Variants in TMEM135 observed in about 807,000 individuals in gnomAD.
TMEM135 encodes the protein peroxisomal membrane protein 52.
In TMEM135, 30 loss-of-function variants were observed where a neutral mutation model predicts 60.3. That is an observed-to-expected ratio of 0.50 (90% confidence interval 0.37 to 0.68). TMEM135 has a LOEUF of 0.68. Ranked by LOEUF, TMEM135 falls within the 30% of genes least tolerant of loss-of-function variation. TMEM135 has a pLI of 0.00. For missense variants in TMEM135, 468 were observed against 548.8 expected (o/e 0.85, Z 1.47); for synonymous variants, 190 against 186.7 (o/e 1.02, Z -0.14).
At chr11:87,313,144 C>T (rs1458355693) in intron 10 of TMEM135, among the ~76,000 whole-genome samples, 3 of 151,810 alleles carry the variant, frequency 2.0e-5, no homozygotes, top group Non-Finnish European at 4.4e-5. Context: ...CTTTTCCCAG[C>T]ATTCGATAGC....
chr11:87,058,509 T>G (rs748007969), intron 1 of TMEM135, among the ~76,000 whole-genome samples: 4 of 152,152 alleles, frequency 2.6e-5, no homozygotes, highest in Admixed American at 1.3e-4. Context: ...TTTTGTATTT[T>G]TAGTAGAGAC....
intron 4 of TMEM135, among the ~76,000 whole-genome samples, chr11:87,130,496 A>G (rs1224826648): frequency 6.6e-6 from 1 of 152,076 alleles, no homozygotes; most frequent in Non-Finnish European, 1.5e-5. Context: ...GGCCTTTCAT[A>G]TTGACAGTTC....
intron 3 of TMEM135, among the ~76,000 whole-genome samples, chr11:87,079,457 A>AT (rs907402923): frequency 2.0e-5 from 3 of 151,998 alleles, no homozygotes; most frequent in Admixed American, 6.6e-5. Flanking sequence ...AATATAGTAG[A>AT]TTTTTTTGTG....
intron 3 of TMEM135, among the ~76,000 whole-genome samples, chr11:87,076,774 TTCCTTC>T (rs1319828877): frequency 6.6e-6 from 1 of 152,164 alleles, no homozygotes; most frequent in Non-Finnish European, 1.5e-5. Flanking sequence ...ACTGGGTGCT[TTCCTTC>T]AAGGCAGCAG....
intron 1 of TMEM135, among the ~76,000 whole-genome samples, chr11:87,042,896 T>C (rs1189020149): frequency 2.0e-5 from 3 of 152,044 alleles, no homozygotes; most frequent in Non-Finnish European, 4.4e-5. Context: ...TGAATCTTTG[T>C]GTTTTCACAA....
At chr11:87,141,865 C>G (rs1259779599) in intron 4 of TMEM135, among the ~76,000 whole-genome samples, 1 of 152,022 alleles carries the variant, frequency 6.6e-6, no homozygotes, top group Non-Finnish European at 1.5e-5. Context: ...GGCAAAAACT[C>G]ACAGTTCTTA....
At chr11:87,309,469 G>T (rs757743357) in intron 9 of TMEM135, 36 bp from the exon 10 acceptor site, 55 of 1,611,586 alleles carry the variant, frequency 3.4e-5, no homozygotes, top group Non-Finnish European at 4.3e-5. Flanking sequence ...TTCAAAATTT[G>T]TTTGTAAATC....
chr11:87,109,614 T>C (rs1857690374), intron 4 of TMEM135, among the ~76,000 whole-genome samples: 1 of 152,208 alleles, frequency 6.6e-6, no homozygotes, highest in African/African-American at 2.4e-5. Flanking sequence ...TAAGTATTTT[T>C]GGATCACAAT....
intron 4 of TMEM135, among the ~76,000 whole-genome samples, chr11:87,137,432 A>G (rs1938132335): frequency 6.6e-6 from 1 of 152,190 alleles, no homozygotes; most frequent in Non-Finnish European, 1.5e-5. Context: ...TCATCCAACA[A>G]TTATTTATCA....
intron 4 of TMEM135, among the ~76,000 whole-genome samples, chr11:87,097,871 C>T (rs1857367076): frequency 6.6e-6 from 1 of 152,136 alleles, no homozygotes; most frequent in Non-Finnish European, 1.5e-5. Flanking sequence ...TAACAGTCAC[C>T]CTTCATGTAA....
chr11:87,238,692 T>C (rs1030634200), intron 6 of TMEM135, among the ~76,000 whole-genome samples: 3 of 152,124 alleles, frequency 2.0e-5, no homozygotes, highest in Non-Finnish European at 4.4e-5. Context: ...TTCAGACACA[T>C]TATTAAGACA....
chr11:87,039,615 G>A (rs1949733679), intron 1 of TMEM135, among the ~76,000 whole-genome samples: 1 of 152,078 alleles, frequency 6.6e-6, no homozygotes, highest in Admixed American at 6.5e-5. Flanking sequence ...TGCCATTCTG[G>A]CTGGAGTGCA....
intron 5 of TMEM135, among the ~76,000 whole-genome samples, chr11:87,159,877 C>A (rs529307450): frequency 6.6e-6 from 1 of 152,010 alleles, no homozygotes; most frequent in East Asian, 1.9e-4. Context: ...TAGGAGTAAA[C>A]TAAAAGGTTA....
chr11:87,223,875 A>C (rs1040116982), intron 5 of TMEM135, among the ~76,000 whole-genome samples: 5 of 151,706 alleles, frequency 3.3e-5, no homozygotes, highest in African/African-American at 9.7e-5. Flanking sequence ...GAAAGAAAAA[A>C]CCCCCAAAAC....
At position 87,318,244 on chromosome 11, in the gene TMEM135, A is replaced by C. The variant is rs1396751252; in HGVS notation, c.1176+9A>C. ...CAATTTGCTTCCAGGCAGTAAGTAT[A>C]ACTTTTTGAAATGAGAAATTGAATG... On this transcript the variant is annotated intron_variant, in intron 13 of 14. Transcript: ENST00000305494. The C allele has an allele frequency of 6.3e-7, 1 of 1,578,486 alleles. No homozygotes were observed. Among genetic ancestry groups the C allele is most frequent in the Admixed American group, 1.7e-5 (1 of 59,934 alleles).
chr11:87,257,288 A>G (rs1440799217), intron 6 of TMEM135, among the ~76,000 whole-genome samples: 3 of 152,140 alleles, frequency 2.0e-5, no homozygotes, highest in Non-Finnish European at 4.4e-5. Context: ...GAGGTGCTAT[A>G]ACTCATTGGG....
chr11:87,120,981 G>T (rs1373615422), intron 4 of TMEM135: 2 of 152,150 alleles, frequency 1.3e-5, no homozygotes, highest in Non-Finnish European at 2.9e-5. Flanking sequence ...GAATTGAGAA[G>T]CTCAAGGTTT....
chr11:87,296,468 C>T (rs1249928734), intron 7 of TMEM135, among the ~76,000 whole-genome samples: 1 of 152,100 alleles, frequency 6.6e-6, no homozygotes, highest in Non-Finnish European at 1.5e-5. Context: ...TGACTCCATA[C>T]CCAGTGTTTG....
intron 4 of TMEM135, among the ~76,000 whole-genome samples, chr11:87,130,792 G>C (rs1476445078): frequency 3.3e-5 from 5 of 152,106 alleles, no homozygotes; most frequent in Non-Finnish European, 5.9e-5. Context: ...GTGAAACACT[G>C]TACCAGGCTC....
Sources: allele counts gnomAD v4.1 joint callset (sites outside exome capture counted in the v4.1 genomes callset), GRCh38; gene constraint gnomAD v4.1.1; transcripts MANE v1.5; gene names NCBI Gene and HGNC (gene_info 2026-07-23, HGNC 2026-07-21).